Variants in EPHA6 observed in about 807,000 individuals in gnomAD.
EPHA6 encodes ephrin type-A receptor 6.
EPHA6 carries 50 observed loss-of-function variants against 112.0 expected under a neutral mutation model. The ratio of observed to expected loss-of-function variants is 0.45; its 90% CI spans 0.36 to 0.56. The LOEUF (loss-of-function observed/expected upper bound fraction) is 0.56, where lower values mean the gene tolerates loss of function less well. EPHA6 is among the 20% of genes least tolerant of loss of function. The pLI, the probability that EPHA6 is intolerant of heterozygous loss-of-function variation, is 0.00. For synonymous variants in EPHA6, 529 were observed against 490.7 expected, an observed-to-expected ratio of 1.08 and a Z score of -1.03; for missense variants, 1,280 against 1,417.4, an observed-to-expected ratio of 0.90 and a Z score of 1.56.
At chr3:97,362,493 C>T (rs1472758118) in intron 5 of EPHA6, among the ~76,000 whole-genome samples, 1 of 151,644 alleles carries the variant, frequency 6.6e-6, no homozygotes, top group Admixed American at 6.6e-5. Flanking sequence ...TAAATTTAGC[C>T]TCTTTATACG....
At chr3:97,225,156 C>A (rs1029157323) in intron 3 of EPHA6, among the ~76,000 whole-genome samples, 1 of 152,114 alleles carries the variant, frequency 6.6e-6, no homozygotes, top group Non-Finnish European at 1.5e-5. Context: ...GGGGTTTCAC[C>A]GTGTTAGCCA....
intron 12 of EPHA6, among the ~76,000 whole-genome samples, chr3:97,606,829 C>A (rs755265614): frequency 3.3e-5 from 5 of 150,922 alleles, no homozygotes; most frequent in Non-Finnish European, 7.4e-5. Flanking sequence ...ACAACAGAAA[C>A]ATGGAAGGTA....
intron 2 of EPHA6, among the ~76,000 whole-genome samples, chr3:96,969,832 A>G (rs1022380124): frequency 8.6e-5 from 13 of 152,036 alleles, no homozygotes; most frequent in African/African-American, 3.1e-4. Flanking sequence ...TATGCTAAAT[A>G]CTTTCTCCTT....
intron 13 of EPHA6, among the ~76,000 whole-genome samples, chr3:97,636,497 T>C (rs771051250): frequency 1.3e-5 from 2 of 152,124 alleles, no homozygotes; most frequent in South Asian, 4.1e-4. Context: ...ATTCTTGCTC[T>C]AAGAGTGTTT....
chr3:97,633,287 C>CA (rs138685319), intron 13 of EPHA6, among the ~76,000 whole-genome samples: 22 of 148,298 alleles, frequency 1.5e-4, no homozygotes, highest in African/African-American at 4.0e-4. Context: ...GTTGAGAGAG[C>CA]AAAAAAAAAG....
chr3:97,469,280 G>T (rs2091153560), intron 7 of EPHA6, among the ~76,000 whole-genome samples: 1 of 151,582 alleles, frequency 6.6e-6, no homozygotes, highest in Admixed American at 6.6e-5. Flanking sequence ...GACTAGCAGT[G>T]TGCAATTATT....
intron 2 of EPHA6, among the ~76,000 whole-genome samples, chr3:96,908,023 T>C (rs1018701802): frequency 6.6e-6 from 1 of 151,982 alleles, no homozygotes. Flanking sequence ...CTATATGATA[T>C]ATCTTTTTGC....
At chr3:97,718,878 G>A (rs1426776159) in intron 14 of EPHA6, among the ~76,000 whole-genome samples, 2 of 152,048 alleles carry the variant, frequency 1.3e-5, no homozygotes, top group Admixed American at 6.5e-5. Flanking sequence ...ATAATATGGT[G>A]AGAAATTTCT....
chr3:97,641,784 G>T (rs538646090), intron 14 of EPHA6, among the ~76,000 whole-genome samples: 1 of 152,216 alleles, frequency 6.6e-6, no homozygotes, highest in Non-Finnish European at 1.5e-5. Context: ...GGCTCAGAGG[G>T]TCCTATGCCC....
intron 14 of EPHA6, among the ~76,000 whole-genome samples, chr3:97,681,830 C>G (rs1039237689): frequency 6.6e-6 from 1 of 152,046 alleles, no homozygotes; most frequent in East Asian, 1.9e-4. Flanking sequence ...ACTCACTAAA[C>G]TCAACAGTTC....
At chr3:97,689,521 T>C (rs1371269111) in intron 14 of EPHA6, among the ~76,000 whole-genome samples, 1 of 152,210 alleles carries the variant, frequency 6.6e-6, no homozygotes, top group African/African-American at 2.4e-5. Context: ...GAAGCCTCTT[T>C]AGCGCTTCCT....
At chr3:96,892,569 C>T (rs1397612364) in intron 2 of EPHA6, among the ~76,000 whole-genome samples, 7 of 152,014 alleles carry the variant, frequency 4.6e-5, no homozygotes, top group African/African-American at 9.6e-5. Flanking sequence ...GTGATATCAT[C>T]GGGACTCAGA....
chr3:97,479,476 A>C, intron 9 of EPHA6, 112 bp downstream of exon 9: 1 of 625,288 alleles, frequency 1.6e-6, no homozygotes, highest in Admixed American at 3.9e-5. Context: ...AATCACTTCC[A>C]ACCTTTCAGC....
chr3:97,010,553 A>G (rs768026567), intron 3 of EPHA6, among the ~76,000 whole-genome samples: 3 of 152,204 alleles, frequency 2.0e-5, no homozygotes, highest in Non-Finnish European at 4.4e-5. Flanking sequence ...AGTGGGTAGC[A>G]TTTTTGTAAT....
chr3:97,057,620 T>C (rs2045892496), intron 3 of EPHA6, among the ~76,000 whole-genome samples: 1 of 152,208 alleles, frequency 6.6e-6, no homozygotes, highest in Non-Finnish European at 1.5e-5. Context: ...AGGAGAGTTG[T>C]CTTATTGAGA....
Position 97,631,021 on chromosome 3 carries a change from G to C in EPHA6, c.2575-6852G>C, listed in dbSNP as rs114191344. On this transcript the variant is annotated intron_variant, in intron 13 of 17. Transcript: ENST00000389672. Reference sequence around the variant, plus strand: ...GGCACAAATCTTAGCTGGATATAAGGTTAGATTGATTTATGCGAGTATGTG... The same window carrying C: ...GGCACAAATCTTAGCTGGATATAAGCTTAGATTGATTTATGCGAGTATGTG... 2.9e-3 allele frequency among the ~76,000 whole-genome samples: 444 copies of C among 151,960 alleles called. 5 individuals are homozygous for C. Among genetic ancestry groups the C allele is most frequent in the Non-Finnish European group, 1.6e-3 (111 of 67,928 alleles).
At chr3:97,176,147 A>G (rs966304717) in intron 3 of EPHA6, among the ~76,000 whole-genome samples, 1 of 151,826 alleles carries the variant, frequency 6.6e-6, no homozygotes, top group Non-Finnish European at 1.5e-5. Context: ...TTCAGAATCA[A>G]TTGAAATGAT....
chr3:97,354,272 C>A (rs908361731), intron 5 of EPHA6, among the ~76,000 whole-genome samples: 1 of 152,124 alleles, frequency 6.6e-6, no homozygotes, highest in East Asian at 1.9e-4. Context: ...ATCCAGGAAA[C>A]ATGACCTCAC....
rs2036140155 is a variant in EPHA6, at chr3:97,760,642, T to C, written c.*11941T>C. 5.6e-6 allele frequency: 1 copy of C among 180,120 alleles called. No homozygotes were observed. The highest frequency in any genetic ancestry group is 2.0e-4 in the South Asian group (1 of 5,084). 11.2% of individuals were successfully genotyped at this position (180,120 alleles called of 1,614,324 possible). ...TTTAAATGGTAGATGATATCAACAA[T>C]TGCAGTGCACTCAAAATGTTATAAA... On this transcript the variant is annotated 3_prime_UTR_variant, in exon 18 of 18. Coordinates refer to ENST00000389672, the MANE Select transcript of EPHA6 (RefSeq NM_001080448.3).
Sources: gnomAD v4.1 joint callset for allele counts (sites outside exome capture counted in the v4.1 genomes callset) on GRCh38, gnomAD v4.1.1 for gene constraint, MANE v1.5 for transcripts, NCBI Gene and HGNC (gene_info 2026-07-23, HGNC 2026-07-21) for gene names.